KLF12: variants seen among roughly 807,000 people sequenced by gnomAD.
KLF12 encodes the protein KLF transcription factor 12.
KLF12 carries 9 observed loss-of-function variants against 37.8 expected under a neutral mutation model. The ratio of observed to expected loss-of-function variants is 0.24; its 90% CI spans 0.14 to 0.42. KLF12 has a LOEUF of 0.42. Ranked by LOEUF, KLF12 falls within the 10% of genes least tolerant of loss-of-function variation. The probability of loss-of-function intolerance (pLI) is 1.00; values close to 1 mark genes in which losing one functional copy is unlikely to be tolerated. For missense variants in KLF12, 411 were observed against 516.0 expected, an observed-to-expected ratio of 0.80 and a Z score of 1.97; for synonymous variants, 208 against 202.1, an observed-to-expected ratio of 1.03 and a Z score of -0.25.
At position 74,087,024 on chromosome 13, in the gene KLF12, T is replaced by C. The variant is rs563075993; in HGVS notation, c.-32+46715A>G. On this transcript the variant is annotated intron_variant, in intron 1 of 7. Coordinates refer to ENST00000377669, the MANE Select transcript of KLF12 (RefSeq NM_007249.5). ...TTGGGGTGGCAGAGGTGGAAATATA[T>C]CCACATATAAGTGGACCCATGCAGT... Among the ~76,000 whole-genome samples the C allele has an allele frequency of 2.1e-4, 32 of 152,234 alleles. 1 individual carries two copies. The highest frequency in any genetic ancestry group is 7.7e-4 in the African/African-American group (32 of 41,540).
chr13:73,858,333 A>G (rs1419988862), intron 3 of KLF12, among the ~76,000 whole-genome samples: 1 of 152,192 alleles, frequency 6.6e-6, no homozygotes, highest in Non-Finnish European at 1.5e-5. Flanking sequence ...TGGTGGCATG[A>G]TTTTTCCATA....
intron 5 of KLF12, among the ~76,000 whole-genome samples, chr13:73,774,658 G>A (rs1880489708): frequency 6.6e-6 from 1 of 152,110 alleles, no homozygotes; most frequent in Non-Finnish European, 1.5e-5. Flanking sequence ...AAAGGTATAT[G>A]TGAATTCTCT....
At chr13:74,127,801 C>T (rs953254866) in intron 1 of KLF12, among the ~76,000 whole-genome samples, 1 of 152,114 alleles carries the variant, frequency 6.6e-6, no homozygotes, top group Admixed American at 6.5e-5. Context: ...TAACATATAG[C>T]ATGTTGCAAC....
At chr13:74,102,361 G>A (rs1876402563) in intron 1 of KLF12, among the ~76,000 whole-genome samples, 4 of 152,174 alleles carry the variant, frequency 2.6e-5, no homozygotes, top group South Asian at 2.1e-4. Flanking sequence ...TGCCTTTGTG[G>A]AAGGGAAAGC....
chr13:73,938,134 C>A (rs1428096845), intron 3 of KLF12, among the ~76,000 whole-genome samples: 1 of 152,158 alleles, frequency 6.6e-6, no homozygotes, highest in African/African-American at 2.4e-5. Flanking sequence ...GAATAATGAG[C>A]CCCTGGTTAA....
chr13:73,758,103 T>C (rs1164966506), intron 6 of KLF12, among the ~76,000 whole-genome samples: 3 of 152,072 alleles, frequency 2.0e-5, no homozygotes, highest in Non-Finnish European at 4.4e-5. Flanking sequence ...TCTTGCTATG[T>C]TGCCTGGGCT....
At chr13:73,730,262 C>T (rs867597168) in intron 6 of KLF12, among the ~76,000 whole-genome samples, 1 of 152,144 alleles carries the variant, frequency 6.6e-6, no homozygotes, top group African/African-American at 2.4e-5. Context: ...GCTCTCAGCT[C>T]TCTTCTCTGA....
At chr13:74,135,599 G>C (rs1042990353), upstream of KLF12, among the ~76,000 whole-genome samples, 1 of 151,130 alleles carries the variant, frequency 6.6e-6, no homozygotes, top group African/African-American at 2.4e-5. Flanking sequence ...GCGGCCGGGC[G>C]GGCGGGGCGC....
chr13:74,016,199 A>G (rs1292126006), intron 1 of KLF12, among the ~76,000 whole-genome samples: 1 of 152,228 alleles, frequency 6.6e-6, no homozygotes, highest in African/African-American at 2.4e-5. Context: ...CTCCCAAGAG[A>G]TAGCCAAATG....
chr13:74,114,920 G>A (rs1314041422), intron 1 of KLF12, among the ~76,000 whole-genome samples: 2 of 152,104 alleles, frequency 1.3e-5, no homozygotes, highest in Admixed American at 6.5e-5. Flanking sequence ...CCAACCCCCG[G>A]GGCCATGGAC....
chr13:73,717,834 A>G (rs906138959), intron 6 of KLF12, among the ~76,000 whole-genome samples: 1 of 152,164 alleles, frequency 6.6e-6, no homozygotes, highest in African/African-American at 2.4e-5. Context: ...GACAAGGTAT[A>G]TTTTTATCAC....
the KLF12 span, among the ~76,000 whole-genome samples, chr13:74,303,306 G>A: frequency 1.4e-4 from 22 of 152,200 alleles, no homozygotes; most frequent in African/African-American, 5.1e-4. Context: ...AGTTATAATC[G>A]AGTGTGACTA....
At chr13:74,093,189 A>G (rs1420481104) in intron 1 of KLF12, among the ~76,000 whole-genome samples, 2 of 152,234 alleles carry the variant, frequency 1.3e-5, no homozygotes, top group East Asian at 1.9e-4. Context: ...TCTTTACTCA[A>G]AATCAAAAAT....
intron 5 of KLF12, among the ~76,000 whole-genome samples, chr13:73,793,049 T>C (rs901047605): frequency 6.6e-6 from 1 of 152,176 alleles, no homozygotes; most frequent in Non-Finnish European, 1.5e-5. Context: ...TCTGCAGACA[T>C]GAATTTGAAA....
At chr13:73,868,849 A>T (rs1886329065) in intron 3 of KLF12, among the ~76,000 whole-genome samples, 1 of 152,218 alleles carries the variant, frequency 6.6e-6, no homozygotes, top group Admixed American at 6.5e-5. Context: ...CAAAAAAAGA[A>T]GAAACACATA....
the KLF12 span, among the ~76,000 whole-genome samples, chr13:74,282,085 A>G: frequency 5.9e-5 from 9 of 152,170 alleles, no homozygotes; most frequent in Non-Finnish European, 1.2e-4. Flanking sequence ...GGAAGGTGGG[A>G]GTGGGACTTG....
chr13:74,127,925 A>G (rs1280203737), intron 1 of KLF12, among the ~76,000 whole-genome samples: 1 of 152,220 alleles, frequency 6.6e-6, no homozygotes, highest in African/African-American at 2.4e-5. Context: ...AAATTATAGT[A>G]TATCACAAAT....
the KLF12 span, among the ~76,000 whole-genome samples, chr13:74,261,831 T>C: frequency 6.6e-6 from 1 of 152,218 alleles, no homozygotes; most frequent in Admixed American, 6.5e-5. Flanking sequence ...AACGTGTGTG[T>C]GGTAGTACAC....
At chr13:73,839,258 ATTT>A (rs768668350) in intron 4 of KLF12, among the ~76,000 whole-genome samples, 5 of 113,058 alleles carry the variant, frequency 4.4e-5, no homozygotes, top group African/African-American at 8.8e-5. Context: ...ATACCTGGTT[ATTT>A]TTTTTTTTTT....
Sources: gnomAD v4.1 joint callset for allele counts (sites outside exome capture counted in the v4.1 genomes callset) on GRCh38, gnomAD v4.1.1 for gene constraint, MANE v1.5 for transcripts, NCBI Gene and HGNC (gene_info 2026-07-23, HGNC 2026-07-21) for gene names.